The following IPO11 variants were observed in gnomAD, a reference collection of about 807,000 sequenced individuals.
The protein encoded by IPO11 is importin 11.
A neutral mutation model predicts 143.2 loss-of-function variants in IPO11; 66 were observed. The ratio of observed to expected loss-of-function variants is 0.46; its 90% CI spans 0.38 to 0.57. IPO11 has a LOEUF of 0.57. Among genes scored for constraint, IPO11 ranks in the 20% least tolerant of loss-of-function variants. The probability of loss-of-function intolerance (pLI) is 0.00; values close to 1 mark genes in which losing one functional copy is unlikely to be tolerated. For missense variants in IPO11, 1,026 were observed against 1,141.0 expected (o/e 0.90, Z 1.45); for synonymous variants, 385 against 377.8 (o/e 1.02, Z -0.22).
intron 20 of IPO11, among the ~76,000 whole-genome samples, chr5:62,518,151 A>G (rs1451379581): frequency 6.6e-6 from 1 of 151,686 alleles, no homozygotes; most frequent in East Asian, 1.9e-4. Flanking sequence ...AAAAAAAAAA[A>G]AAAAAAAAAT....
At chr5:62,544,707 A>T (rs1408488587) in intron 24 of IPO11, among the ~76,000 whole-genome samples, 1 of 152,134 alleles carries the variant, frequency 6.6e-6, no homozygotes, top group Non-Finnish European at 1.5e-5. Context: ...AAACCCCATC[A>T]TCTCAGCCCA....
At chr5:62,624,803 T>C (rs1293468227) in intron 29 of IPO11, among the ~76,000 whole-genome samples, 1 of 151,450 alleles carries the variant, frequency 6.6e-6, no homozygotes, top group African/African-American at 2.4e-5. Context: ...GCTAACAGGG[T>C]GAAACCCCGT....
At chr5:62,502,722 A>G (rs1457378463) in intron 16 of IPO11, among the ~76,000 whole-genome samples, 5 of 152,168 alleles carry the variant, frequency 3.3e-5, no homozygotes, top group African/African-American at 7.2e-5. Context: ...CATCTCTAGA[A>G]TAAATGGTCC....
chr5:62,518,539 G>A (rs1490315150), intron 20 of IPO11, among the ~76,000 whole-genome samples: 1 of 152,002 alleles, frequency 6.6e-6, no homozygotes, highest in East Asian at 1.9e-4. Flanking sequence ...GCTTGAACCC[G>A]GGAGGCAGAG....
At chr5:62,562,555 G>A (rs1275356385) in intron 27 of IPO11, among the ~76,000 whole-genome samples, 1 of 152,202 alleles carries the variant, frequency 6.6e-6, no homozygotes, top group Non-Finnish European at 1.5e-5. Context: ...TGATCAGACA[G>A]GAGGCGGAGC....
chr5:62,469,754 T>C (rs1182695276), intron 6 of IPO11, among the ~76,000 whole-genome samples: 1 of 152,148 alleles, frequency 6.6e-6, no homozygotes, highest in East Asian at 1.9e-4. Flanking sequence ...CTGTGTACAC[T>C]AGTTTGTCAG....
chr5:62,583,125 A>G lies in IPO11; in HGVS notation c.2583-8452A>G, dbSNP rs1744630685. ...TAATTTGTTTTGTTATGGAAGAGCA[A>G]TCTTTTTGTTCACCTTGAGAGACAT... On this transcript the variant is annotated intron_variant, in intron 27 of 29. Transcript: ENST00000325324. Among the ~76,000 whole-genome samples, 3 of 152,294 alleles carry G rather than the reference A, an allele frequency of 2.0e-5. No individual in the cohort carries two copies. In the South Asian group the frequency reaches 6.2e-4, roughly 32 times the overall value.
intron 3 of IPO11, among the ~76,000 whole-genome samples, chr5:62,443,501 T>G (rs537756902): frequency 2.2e-4 from 34 of 151,756 alleles, no homozygotes; most frequent in Non-Finnish European, 4.4e-4. Context: ...AAAAGCCCTC[T>G]GTTTTAGTCG....
intron 26 of IPO11, among the ~76,000 whole-genome samples, chr5:62,555,247 C>CT (rs796926392): frequency 8.9e-4 from 130 of 146,656 alleles, no homozygotes; most frequent in African/African-American, 2.9e-3. Flanking sequence ...CATGGTGTGT[C>CT]TTTTTTTTTG....
intron 7 of IPO11, among the ~76,000 whole-genome samples, chr5:62,470,553 A>C (rs1029711241): frequency 5.3e-5 from 8 of 152,122 alleles, no homozygotes; most frequent in Admixed American, 5.2e-4. Flanking sequence ...GAGAGTGTTA[A>C]TTTGAATTTA....
At chr5:62,601,239 A>C (rs1046204533) in intron 28 of IPO11, 1 of 152,312 alleles carries the variant, frequency 6.6e-6, no homozygotes, top group Non-Finnish European at 1.5e-5. Flanking sequence ...GCAGATATTC[A>C]AAATAAAATG....
chr5:62,628,228 G>A lies in IPO11; in HGVS notation c.*910G>A, dbSNP rs1391302726. 2 of 152,430 alleles carry A rather than the reference G, an allele frequency of 1.3e-5. No homozygotes were observed. The highest frequency in any genetic ancestry group is 1.3e-4 in the Admixed American group (2 of 15,262). 9.4% of individuals were successfully genotyped at this position (152,430 alleles called of 1,614,324 possible). A position where few individuals can be genotyped will look rare whatever the true frequency, so the allele number is the denominator to read the frequency against. On this transcript the variant is annotated 3_prime_UTR_variant, in exon 30 of 30. Transcript: ENST00000325324. ...CTCAATAATAGGGGTATACCTGGGA[G>A]GATCCAGCAGTAATCCCCAGGGTAC...
intron 22 of IPO11, among the ~76,000 whole-genome samples, chr5:62,532,283 G>A (rs1479703673): frequency 2.6e-5 from 4 of 152,140 alleles, no homozygotes; most frequent in Non-Finnish European, 5.9e-5. Context: ...ATAACTGTAT[G>A]ACACTATTTT....
chr5:62,495,281 A>C (rs1026600736), intron 16 of IPO11, among the ~76,000 whole-genome samples: 2 of 152,182 alleles, frequency 1.3e-5, no homozygotes, highest in Non-Finnish European at 1.5e-5. Flanking sequence ...TAAAATTTCT[A>C]TTTGCTAAAA....
At chr5:62,574,998 T>G (rs533333719) in intron 27 of IPO11, among the ~76,000 whole-genome samples, 3 of 152,372 alleles carry the variant, frequency 2.0e-5, no homozygotes, top group African/African-American at 7.2e-5. Flanking sequence ...TAAAAATTTC[T>G]TAGTTGATTT....
At chr5:62,605,183 G>T (rs967223751) in intron 29 of IPO11, among the ~76,000 whole-genome samples, 1 of 152,116 alleles carries the variant, frequency 6.6e-6, no homozygotes, top group Non-Finnish European at 1.5e-5. Context: ...AATTTGATTC[G>T]CTTACTGTCA....
Position 62,437,335 on chromosome 5 carries a change from G to C in IPO11, c.56G>C (p.Ser19Thr). ...CTTCAGGTGTTAACACAGGCCACCA[G>C]TCAGGATACTGCTGTGTTAAAACCA... Reference protein sequence around the residue: ...VVLQVLTQATSQDTAVLKPAE... With the variant: ...VVLQVLTQATTQDTAVLKPAE... The change falls in exon 2 of 30, where the codon AGT (serine) becomes ACT (threonine). Residue 19 changes from serine to threonine, a missense_variant. Around this residue, in one of 5 missense-constraint regions of IPO11, gnomAD observed 429 missense variants for 456.3 expected, o/e 0.94. Coordinates refer to ENST00000325324, the MANE Select transcript of IPO11 (RefSeq NM_016338.5). The C allele has an allele frequency of 6.2e-7, 1 of 1,612,786 alleles. No individual in the cohort carries two copies.
At chr5:62,618,750 C>T (rs1169888837) in intron 29 of IPO11, among the ~76,000 whole-genome samples, 3 of 152,052 alleles carry the variant, frequency 2.0e-5, no homozygotes, top group Non-Finnish European at 4.4e-5. Flanking sequence ...TTTATAACCA[C>T]GGAACAAAAA....
chr5:62,542,486 C>T (rs1434504792), intron 24 of IPO11, among the ~76,000 whole-genome samples: 4 of 151,980 alleles, frequency 2.6e-5, no homozygotes, highest in Admixed American at 1.3e-4. Flanking sequence ...AGCTCATTTT[C>T]GTTTTTAGTA....
Sources: allele counts gnomAD v4.1 joint callset (sites outside exome capture counted in the v4.1 genomes callset), GRCh38; gene constraint gnomAD v4.1.1; regional missense constraint gnomAD v4.1.1; transcripts MANE v1.5; gene names NCBI Gene and HGNC (gene_info 2026-07-23, HGNC 2026-07-21).